Variants in FSTL5 observed in about 807,000 individuals in gnomAD.
FSTL5 encodes the protein follistatin like 5.
FSTL5 carries 62 observed loss-of-function variants against 89.1 expected under a neutral mutation model. The ratio of observed to expected loss-of-function variants is 0.70; its 90% CI spans 0.57 to 0.86. The LOEUF is 0.86. Ranked by LOEUF, FSTL5 falls within the 40% of genes least tolerant of loss-of-function variation. The probability of loss-of-function intolerance (pLI) is 0.00; values close to 1 mark genes in which losing one functional copy is unlikely to be tolerated. For missense variants in FSTL5, 1,057 were observed against 1,001.6 expected (o/e 1.06, Z -0.75); for synonymous variants, 383 against 346.2 (o/e 1.11, Z -1.18).
rs1166127621 is a variant in FSTL5, at chr4:161,779,780, T to G, written c.410-3706A>C. ...AAAGTTATATATATATATATGTATA[T>G]ATATATATATATATATATATATATA... is the stretch of plus-strand genomic sequence containing the variant. On this transcript the variant is annotated intron_variant, in intron 4 of 15. Coordinates refer to ENST00000306100, the MANE Select transcript of FSTL5 (RefSeq NM_020116.5). Among the ~76,000 whole-genome samples, 196 of 42,758 alleles carry G rather than the reference T, an allele frequency of 4.6e-3. 12 individuals are homozygous for G. The highest frequency in any genetic ancestry group is 0.032 in the South Asian group (33 of 1,040). 28.1% of individuals were successfully genotyped at this position (42,758 alleles called of 152,430 possible). A position where few individuals can be genotyped will look rare whatever the true frequency, so the allele number is the denominator to read the frequency against.
intron 2 of FSTL5, among the ~76,000 whole-genome samples, chr4:162,104,852 A>G (rs1417862641): frequency 1.3e-5 from 2 of 152,168 alleles, no homozygotes; most frequent in African/African-American, 2.4e-5. Context: ...GCTTGCTTAA[A>G]TGTTTCCCTG....
At chr4:161,544,966 T>A (rs1457511346) in intron 8 of FSTL5, among the ~76,000 whole-genome samples, 2 of 151,986 alleles carry the variant, frequency 1.3e-5, no homozygotes, top group Admixed American at 1.3e-4. Flanking sequence ...TCATTGATAT[T>A]AAAATGAGAT....
chr4:162,072,913 G>C (rs1246442911), intron 2 of FSTL5, among the ~76,000 whole-genome samples: 1 of 151,768 alleles, frequency 6.6e-6, no homozygotes, highest in Admixed American at 6.6e-5. Flanking sequence ...CTTCCCCTGA[G>C]TGAGAGAATT....
intron 5 of FSTL5, among the ~76,000 whole-genome samples, chr4:161,770,535 T>C (rs891285434): frequency 3.3e-5 from 5 of 151,982 alleles, no homozygotes; most frequent in Admixed American, 1.3e-4. Flanking sequence ...ATCTTGATTA[T>C]AGTCATGCAT....
intron 10 of FSTL5, among the ~76,000 whole-genome samples, chr4:161,513,193 C>T (rs1467250976): frequency 6.6e-6 from 1 of 150,416 alleles, no homozygotes; most frequent in East Asian, 2.0e-4. Context: ...GAAAATTAAC[C>T]ATGTGGTCCC....
intron 3 of FSTL5, among the ~76,000 whole-genome samples, chr4:161,978,041 C>T (rs1300925761): frequency 1.3e-5 from 2 of 152,130 alleles, no homozygotes; most frequent in African/African-American, 2.4e-5. Flanking sequence ...ACAGTATTGG[C>T]CTTTCCACCT....
chr4:162,030,450 T>C (rs1737477153), intron 3 of FSTL5, among the ~76,000 whole-genome samples: 1 of 152,144 alleles, frequency 6.6e-6, no homozygotes, highest in Non-Finnish European at 1.5e-5. Context: ...TTGCAGAGTC[T>C]TAACCAAAAT....
At chr4:161,782,966 G>A (rs1741723207) in intron 4 of FSTL5, among the ~76,000 whole-genome samples, 1 of 152,038 alleles carries the variant, frequency 6.6e-6, no homozygotes. Context: ...CAACACACTT[G>A]GATCATATGT....
intron 8 of FSTL5, among the ~76,000 whole-genome samples, chr4:161,545,176 T>C (rs193152010): frequency 2.3e-4 from 35 of 152,130 alleles, no homozygotes; most frequent in African/African-American, 8.2e-4. Flanking sequence ...AGGGATATAA[T>C]GAGGAATGGC....
intron 10 of FSTL5, among the ~76,000 whole-genome samples, chr4:161,520,346 T>A (rs1409325310): frequency 1.3e-5 from 2 of 151,452 alleles, no homozygotes; most frequent in Non-Finnish European, 2.9e-5. Context: ...AAGGTTAACA[T>A]ATCAATATAA....
intron 3 of FSTL5, among the ~76,000 whole-genome samples, chr4:161,967,495 G>C (rs1735362462): frequency 6.6e-6 from 1 of 151,726 alleles, no homozygotes; most frequent in African/African-American, 2.4e-5. Context: ...TTATGAAGAG[G>C]AAAGTTTAAA....
chr4:161,613,178 C>G (rs991805465), intron 7 of FSTL5, among the ~76,000 whole-genome samples: 1 of 152,106 alleles, frequency 6.6e-6, no homozygotes, highest in African/African-American at 2.4e-5. Flanking sequence ...AGCAGCCAGG[C>G]GCGGTGGTTC....
chr4:161,521,881 A>G (rs968589394), intron 10 of FSTL5, among the ~76,000 whole-genome samples: 1 of 151,538 alleles, frequency 6.6e-6, no homozygotes, highest in African/African-American at 2.4e-5. Context: ...AAAAGAAAAA[A>G]AGGTTATGAA....
intron 2 of FSTL5, among the ~76,000 whole-genome samples, chr4:162,062,638 ATTAT>A (rs1738757774): frequency 6.6e-6 from 1 of 151,192 alleles, no homozygotes; most frequent in South Asian, 2.1e-4. Context: ...AATTATTATA[ATTAT>A]TTAATAATAT....
In FSTL5 at chr4:161,418,859, C is replaced by A. The variant is rs200059549; in HGVS notation, c.1842-32410G>T. 3.5e-3 allele frequency among the ~76,000 whole-genome samples: 528 copies of A among 152,274 alleles called. 13 individuals carry two copies. The East Asian group carries it at 0.055, about 16-fold the overall frequency. On this transcript the variant is annotated intron_variant, in intron 15 of 15. Coordinates refer to ENST00000306100, the MANE Select transcript of FSTL5 (RefSeq NM_020116.5). Reference sequence around the variant, plus strand: ...AAATAGGCAACATAGTCTGTAATATCAAATACAAGCTGCCTTGCATTATAC... The same window carrying A: ...AAATAGGCAACATAGTCTGTAATATAAAATACAAGCTGCCTTGCATTATAC...
intron 13 of FSTL5, among the ~76,000 whole-genome samples, chr4:161,468,588 T>A (rs2126428826): frequency 6.6e-6 from 1 of 152,228 alleles, no homozygotes; most frequent in East Asian, 1.9e-4. Context: ...AGATACACAT[T>A]TTTAGATTAA....
At chr4:161,904,077 TTTA>T (rs1733452063) in intron 4 of FSTL5, among the ~76,000 whole-genome samples, 1 of 152,106 alleles carries the variant, frequency 6.6e-6, no homozygotes, top group Admixed American at 6.5e-5. Context: ...AAATATTTTA[TTTA>T]TTTTTTTCTA....
intron 14 of FSTL5, among the ~76,000 whole-genome samples, chr4:161,456,753 T>C (rs1023709387): frequency 6.6e-6 from 1 of 152,206 alleles, no homozygotes; most frequent in Non-Finnish European, 1.5e-5. Context: ...GCAAAGAGCA[T>C]TGGCAAACTT....
At chr4:161,987,435 TA>T (rs893563960) in intron 3 of FSTL5, among the ~76,000 whole-genome samples, 3 of 148,948 alleles carry the variant, frequency 2.0e-5, no homozygotes, top group Non-Finnish European at 3.0e-5. Context: ...CATGGGCTCA[TA>T]ACTCCTAATT....
Sources: gnomAD v4.1 joint callset for allele counts (sites outside exome capture counted in the v4.1 genomes callset) on GRCh38, gnomAD v4.1.1 for gene constraint, MANE v1.5 for transcripts, NCBI Gene and HGNC (gene_info 2026-07-23, HGNC 2026-07-21) for gene names.